Variants in MISP observed in about 807,000 individuals in gnomAD.
MISP encodes mitotic spindle positioning, also known as mitotic interactor and substrate of PLK1.
MISP carries 51 observed loss-of-function variants against 49.3 expected under a neutral mutation model. The observed-to-expected ratio is 1.03, with a 90% CI of 0.83 to 1.31. The LOEUF (loss-of-function observed/expected upper bound fraction) is 1.31. Ranked by LOEUF, MISP falls within the 50% of genes most tolerant of loss-of-function variation. The pLI is 0.00. For missense variants in MISP, 1,084 were observed against 935.1 expected, an observed-to-expected ratio of 1.16 and a Z score of -2.08; for synonymous variants, 444 against 392.6, an observed-to-expected ratio of 1.13 and a Z score of -1.55.
upstream of MISP, among the ~76,000 whole-genome samples, chr19:749,766 G>T (rs186434079): frequency 6.6e-6 from 1 of 152,112 alleles, no homozygotes; most frequent in Admixed American, 6.5e-5. Flanking sequence ...GGAGGTTGCC[G>T]TGAGCCGAGA....
upstream of MISP, among the ~76,000 whole-genome samples, chr19:748,496 G>A (rs540915796): frequency 3.3e-5 from 5 of 152,298 alleles, no homozygotes; most frequent in African/African-American, 9.6e-5. Flanking sequence ...GGTGGGAGGC[G>A]CTGGAATCCC....
At chr19:758,807 G>C in intron 2 of MISP, 81 bp downstream of exon 2, 4 of 1,263,722 alleles carry the variant, frequency 3.2e-6, no homozygotes, top group Non-Finnish European at 3.3e-6. Context: ...GGTGGAGTTT[G>C]AGGCTGTCAA....
At position 758,957 on chromosome 19, in the gene MISP, C is replaced by T. The variant is rs2033626767; in HGVS notation, c.1780+231C>T. On this transcript the variant is annotated intron_variant, in intron 2 of 4. Coordinates refer to ENST00000215582, the MANE Select transcript of MISP (RefSeq NM_173481.4). ...GGCTTTTGCTTTATGGATTTGGATG[C>T]CTTGTTGTTAGGCGCATAAATGTTC... is the stretch of plus-strand genomic sequence containing the variant. Among the ~76,000 whole-genome samples, 3 of 152,210 alleles carry T rather than the reference C, an allele frequency of 2.0e-5. No individual in the cohort carries two copies. The South Asian group carries it at 6.2e-4, about 32-fold the overall frequency.
chr19:749,771 C>T (rs911698195), upstream of MISP, among the ~76,000 whole-genome samples: 1 of 152,096 alleles, frequency 6.6e-6, no homozygotes, highest in African/African-American at 2.4e-5. Flanking sequence ...TTGCCGTGAG[C>T]CGAGATCGTG....
chr19:750,850 G>A (rs534273718), upstream of MISP, among the ~76,000 whole-genome samples: 16 of 152,274 alleles, frequency 1.1e-4, no homozygotes, highest in South Asian at 2.1e-4. Flanking sequence ...GCTGAGAGGC[G>A]GTGGGAGGGC....
Position 757,982 on chromosome 19 carries a change from C to T in MISP, c.1036C>T (p.Arg346Cys), listed in dbSNP as rs747613227. Residue 346 changes from arginine (R) to cysteine (C), a missense_variant, in exon 2 of 5, where the codon CGC becomes TGC. Physicochemically the swap from Arg to Cys is radical, Grantham distance 180. Transcript: ENST00000215582. The part of the protein sequence containing the change: ...LITAPRRERG[R>C]PSLYVQRDIV... ...CACAGCCCCACGGCGGGAGAGAGGG[C>T]GCCCGTCCCTCTACGTGCAGCGGGA... is the stretch of plus-strand genomic sequence containing the variant. 24 of 1,578,756 alleles carry T rather than the reference C, an allele frequency of 1.5e-5. No homozygotes were observed. Among genetic ancestry groups the T allele is most frequent in the Middle Eastern group, 1.7e-4 (1 of 5,942 alleles).
upstream of MISP, among the ~76,000 whole-genome samples, chr19:749,456 G>T (rs1054716132): frequency 1.3e-5 from 2 of 152,188 alleles, no homozygotes. Flanking sequence ...GTGAGGCCGC[G>T]CACCCTGAGC....
In MISP at chr19:758,149, G is replaced by A. The variant is rs769053768; in HGVS notation, c.1203G>A (p.Pro401=). The change falls in exon 2 of 5, where the codon CCG becomes CCA. Residue 401 remains proline, a synonymous_variant. Transcript: ENST00000215582. ...TCAGCTCAGATTCCATCCTCAGCCCGGCCCCAGATGCCCGTGCGGCCGACC... is the reference window on the plus strand; with the variant it reads ...TCAGCTCAGATTCCATCCTCAGCCCAGCCCCAGATGCCCGTGCGGCCGACC... ...RALSSDSILS[P]APDARAADPA... is the part of the protein sequence containing the mutation. The A allele has an allele frequency of 1.5e-5, 24 of 1,611,868 alleles. 1 individual carries two copies. Among genetic ancestry groups the A allele is most frequent in the East Asian group, 8.9e-5 (4 of 44,844 alleles).
intron 1 of MISP, among the ~76,000 whole-genome samples, chr19:752,523 C>CA (rs1378936718): frequency 4.6e-4 from 37 of 81,062 alleles, no homozygotes; most frequent in Admixed American, 1.6e-3. Context: ...GACTCTATCT[C>CA]AAAAAAAAAA....
In MISP at chr19:759,959, C is replaced by G. The variant is rs527351392; in HGVS notation, c.1831C>G (p.His611Asp). 1.7e-5 allele frequency: 28 copies of G among 1,614,110 alleles called. No homozygotes were observed. The South Asian group carries it at 2.9e-4, about 16-fold the overall frequency. ...VSESPFFSPI[H>D]LHSNVAWTVE... ...TGAGTCTCCCTTCTTCAGCCCCATC[C>G]ACCTACACTCAAACGTGGCGTGGAC... is the stretch of plus-strand genomic sequence containing the variant. Residue 611 changes from histidine to aspartate, a missense_variant, in exon 3 of 5, where the codon CAC becomes GAC. His to Asp is a moderately conservative substitution (Grantham distance 81). Coordinates refer to ENST00000215582, the MANE Select transcript of MISP (RefSeq NM_173481.4).
intron 1 of MISP, among the ~76,000 whole-genome samples, chr19:754,189 G>A (rs1469880171): frequency 6.6e-6 from 1 of 151,526 alleles, no homozygotes; most frequent in African/African-American, 2.4e-5. Flanking sequence ...TCCTGGCTGG[G>A]CGCGGTGGCT....
chr19:754,441 C>T (rs1035416222), intron 1 of MISP, among the ~76,000 whole-genome samples: 2 of 151,304 alleles, frequency 1.3e-5, no homozygotes, highest in East Asian at 1.9e-4. Context: ...CCAGCCTGGG[C>T]GACAGAGTGA....
chr19:755,383 G>T (rs1384643417), intron 1 of MISP, among the ~76,000 whole-genome samples: 1 of 152,222 alleles, frequency 6.6e-6, no homozygotes, highest in Non-Finnish European at 1.5e-5. Flanking sequence ...CGGGGATGTT[G>T]TCTCAGATGG....
At chr19:752,723 G>A (rs1206165774) in intron 1 of MISP, among the ~76,000 whole-genome samples, 2 of 140,730 alleles carry the variant, frequency 1.4e-5, no homozygotes, top group African/African-American at 2.6e-5. Context: ...GCACCTGCTC[G>A]AGGCTGGGCG....
intron 1 of MISP, among the ~76,000 whole-genome samples, chr19:752,595 A>G (rs987730699): frequency 2.6e-5 from 4 of 151,768 alleles, no homozygotes; most frequent in South Asian, 2.1e-4. Flanking sequence ...GTGGCCTTGA[A>G]CCCAAGAGCT....
intron 3 of MISP, among the ~76,000 whole-genome samples, chr19:760,766 G>A (rs2033660478): frequency 6.6e-6 from 1 of 151,954 alleles, no homozygotes; most frequent in Non-Finnish European, 1.5e-5. Flanking sequence ...AAGGGAGGGA[G>A]GGAGAGGGAG....
At position 757,969 on chromosome 19, in the gene MISP, G is replaced by A; in HGVS notation, c.1023G>A (p.Arg341=). Residue 341 remains arginine, a synonymous_variant, in exon 2 of 5, where the codon CGG becomes CGA. Coordinates refer to ENST00000215582, the MANE Select transcript of MISP (RefSeq NM_173481.4). ...AGCTGAGCCTGATCACAGCCCCACGGCGGGAGAGAGGGCGCCCGTCCCTCT... is the reference window on the plus strand; with the variant it reads ...AGCTGAGCCTGATCACAGCCCCACGACGGGAGAGAGGGCGCCCGTCCCTCT... ...LTKLSLITAP[R]RERGRPSLYV... 1.3e-6 allele frequency: 2 copies of A among 1,585,920 alleles called. No homozygotes were observed. Among genetic ancestry groups the A allele is most frequent in the Admixed American group, 1.7e-5 (1 of 57,876 alleles).
chr19:751,638 G>C (rs947779910), intron 1 of MISP, among the ~76,000 whole-genome samples: 1 of 152,128 alleles, frequency 6.6e-6, no homozygotes, highest in Non-Finnish European at 1.5e-5. Flanking sequence ...TTGGGGACAC[G>C]GAGGAGGGGT....
chr19:758,725 C>G lies in MISP; in HGVS notation c.1779C>G (p.Ser593=). 1 of 1,610,296 alleles carries G rather than the reference C, an allele frequency of 6.2e-7. No individual in the cohort carries two copies. The highest frequency in any genetic ancestry group is 8.5e-7 in the Non-Finnish European group (1 of 1,177,638). ...ACTCCAGGAGCTCCTCCCAGGCATCCGGTGAGAAGGGGCTCCAGGGAGTGG... is the reference window on the plus strand; with the variant it reads ...ACTCCAGGAGCTCCTCCCAGGCATCGGGTGAGAAGGGGCTCCAGGGAGTGG... ...DQNSRSSSQA[S]GITGSYSVSE... The change falls in exon 2 of 5, where the codon TCC becomes TCG. Residue 593 remains serine, a splice_region_variant and synonymous_variant. Coordinates refer to ENST00000215582, the MANE Select transcript of MISP (RefSeq NM_173481.4).
Sources: allele counts gnomAD v4.1 joint callset (sites outside exome capture counted in the v4.1 genomes callset), GRCh38; gene constraint gnomAD v4.1.1; transcripts MANE v1.5; gene names NCBI Gene and HGNC (gene_info 2026-07-23, HGNC 2026-07-21).